SMYD3: variants seen among roughly 807,000 people sequenced by gnomAD.
SMYD3 encodes the protein SET and MYND domain containing 3, also known as histone-lysine N-methyltransferase SMYD3.
In SMYD3, 36 loss-of-function variants were observed where a neutral mutation model predicts 57.7. The ratio of observed to expected loss-of-function variants is 0.62; its 90% CI spans 0.48 to 0.82. SMYD3 has a LOEUF of 0.82. Ranked by LOEUF, SMYD3 falls within the 40% of genes least tolerant of loss-of-function variation. The pLI is 0.00. For synonymous variants in SMYD3, 211 were observed against 195.0 expected (o/e 1.08, Z -0.68); for missense variants, 515 against 538.8 (o/e 0.96, Z 0.44).
intron 10 of SMYD3, among the ~76,000 whole-genome samples, chr1:245,815,286 G>C (rs1338676236): frequency 6.6e-6 from 1 of 152,248 alleles, no homozygotes; most frequent in Non-Finnish European, 1.5e-5. Context: ...GAGCCCAGAA[G>C]AGCTGTTGGT....
intron 8 of SMYD3, among the ~76,000 whole-genome samples, chr1:245,910,456 A>T (rs924130076): frequency 6.6e-6 from 1 of 152,070 alleles, no homozygotes. Context: ...GGAAATTCAT[A>T]TGGAACAACA....
intron 1 of SMYD3, among the ~76,000 whole-genome samples, chr1:246,363,140 G>C (rs1286543639): frequency 6.6e-6 from 1 of 150,786 alleles, no homozygotes; most frequent in Non-Finnish European, 1.5e-5. Context: ...GAGCCCCTCC[G>C]CCCGGCAGCC....
chr1:246,152,208 G>T (rs2061951447), intron 5 of SMYD3, among the ~76,000 whole-genome samples: 1 of 152,202 alleles, frequency 6.6e-6, no homozygotes, highest in Admixed American at 6.5e-5. Context: ...ACATCCAGAG[G>T]AGAGAAAAGG....
intron 1 of SMYD3, among the ~76,000 whole-genome samples, chr1:246,449,188 C>T (rs1234521351): frequency 6.6e-6 from 1 of 152,100 alleles, no homozygotes; most frequent in Admixed American, 6.6e-5. Flanking sequence ...GCCATGATCA[C>T]GCCCCTGCAC....
At chr1:246,194,777 T>C (rs111518260) in intron 5 of SMYD3, among the ~76,000 whole-genome samples, 2,941 of 152,354 alleles carry the variant, frequency 0.019, 47 homozygotes, top group Non-Finnish European at 0.03. Flanking sequence ...ATTGCCATAT[T>C]GCACAACAAA....
chr1:246,150,678 G>A (rs1285801725), intron 5 of SMYD3, among the ~76,000 whole-genome samples: 2 of 152,186 alleles, frequency 1.3e-5, no homozygotes, highest in Non-Finnish European at 2.9e-5. Flanking sequence ...GAGTCTATTT[G>A]TCTAAGAAGG....
chr1:246,123,844 T>G (rs180671484), intron 5 of SMYD3, among the ~76,000 whole-genome samples: 2 of 152,066 alleles, frequency 1.3e-5, no homozygotes, highest in African/African-American at 4.8e-5. Flanking sequence ...CAATTTTACA[T>G]AGGAACCGTT....
intron 5 of SMYD3, among the ~76,000 whole-genome samples, chr1:246,000,272 A>G (rs889113773): frequency 4.6e-5 from 7 of 152,272 alleles, no homozygotes; most frequent in Non-Finnish European, 8.8e-5. Flanking sequence ...ATGATGACAC[A>G]TGGCAGGGCA....
chr1:245,889,851 A>C (rs560721223), intron 8 of SMYD3, among the ~76,000 whole-genome samples: 1 of 152,134 alleles, frequency 6.6e-6, no homozygotes, highest in African/African-American at 2.4e-5. Flanking sequence ...CTACAGAGCT[A>C]TAGTAACCAA....
At chr1:246,429,805 C>G (rs574495998) in intron 1 of SMYD3, among the ~76,000 whole-genome samples, 4 of 149,452 alleles carry the variant, frequency 2.7e-5, no homozygotes, top group African/African-American at 7.4e-5. Flanking sequence ...AATAATCATA[C>G]GAGAAACGGT....
intron 10 of SMYD3, among the ~76,000 whole-genome samples, chr1:245,833,935 A>G (rs1311373310): frequency 4.6e-5 from 7 of 152,354 alleles, no homozygotes. Flanking sequence ...AGTTTACTCT[A>G]ATTTTAGAAA....
At chr1:246,223,169 C>T (rs976140669) in intron 5 of SMYD3, among the ~76,000 whole-genome samples, 4 of 152,150 alleles carry the variant, frequency 2.6e-5, no homozygotes, top group Non-Finnish European at 1.5e-5. Flanking sequence ...GAAAGAGAGT[C>T]TCCTGTACCC....
At chr1:246,312,552 C>T (rs1220801846) in intron 5 of SMYD3, among the ~76,000 whole-genome samples, 1 of 152,016 alleles carries the variant, frequency 6.6e-6, no homozygotes, top group African/African-American at 2.4e-5. Context: ...GAGATTGCAA[C>T]GTCAAGAGAG....
chr1:246,021,771 T>G (rs1018416168), intron 5 of SMYD3, among the ~76,000 whole-genome samples: 10 of 152,236 alleles, frequency 6.6e-5, no homozygotes, highest in Non-Finnish European at 8.8e-5. Context: ...TGTATATTTT[T>G]ATTCATTTTT....
chr1:245,856,306 C>T (rs2051237088), intron 10 of SMYD3, among the ~76,000 whole-genome samples: 1 of 152,332 alleles, frequency 6.6e-6, no homozygotes, highest in Admixed American at 6.5e-5. Flanking sequence ...ATGATTCGTA[C>T]CTCACTCATG....
chr1:246,166,780 T>A lies in SMYD3; in HGVS notation c.531+160421A>T, dbSNP rs183442459. Reference sequence around the variant, plus strand: ...GGCCGCGGGATAACTTAGTCATTATTGTTTTTTCTTGAGGTGAAACATAAA... The same window carrying A: ...GGCCGCGGGATAACTTAGTCATTATAGTTTTTTCTTGAGGTGAAACATAAA... On this transcript the variant is annotated intron_variant, in intron 5 of 11. Transcript: ENST00000490107. Among the ~76,000 whole-genome samples, 246 of 152,338 alleles carry A rather than the reference T, an allele frequency of 1.6e-3. 1 individual carries two copies. The highest frequency in any genetic ancestry group is 5.5e-3 in the African/African-American group (228 of 41,568).
chr1:246,346,511 A>T (rs1358718000), intron 2 of SMYD3, among the ~76,000 whole-genome samples: 1 of 152,208 alleles, frequency 6.6e-6, no homozygotes. Flanking sequence ...ACAGTTCCAC[A>T]GGGCTGTGGA....
chr1:246,246,062 T>C (rs2063698750), intron 5 of SMYD3, among the ~76,000 whole-genome samples: 1 of 152,168 alleles, frequency 6.6e-6, no homozygotes, highest in Non-Finnish European at 1.5e-5. Flanking sequence ...GTTTGTTCCA[T>C]GTAGGTTTTG....
At chr1:246,410,511 G>A (rs1200667558) in intron 1 of SMYD3, among the ~76,000 whole-genome samples, 1 of 152,194 alleles carries the variant, frequency 6.6e-6, no homozygotes, top group Non-Finnish European at 1.5e-5. Context: ...TTGCATCCCA[G>A]GGATGAAGCC....
Sources: allele counts gnomAD v4.1 joint callset (sites outside exome capture counted in the v4.1 genomes callset), GRCh38; gene constraint gnomAD v4.1.1; transcripts MANE v1.5; gene names NCBI Gene and HGNC (gene_info 2026-07-23, HGNC 2026-07-21).